Variants in PREX1 observed in about 807,000 individuals in gnomAD.
PREX1 encodes the protein phosphatidylinositol 3,4,5-trisphosphate-dependent Rac exchanger 1 protein.
In PREX1, 41 loss-of-function variants were observed where a neutral mutation model predicts 198.3. The observed-to-expected ratio is 0.21, with a 90% CI of 0.16 to 0.27. The LOEUF is 0.27. Among genes scored for constraint, PREX1 ranks in the 10% least tolerant of loss-of-function variants. The pLI, the probability that PREX1 is intolerant of heterozygous loss-of-function variation, is 1.00. For synonymous variants in PREX1, 843 were observed against 887.2 expected (o/e 0.95, Z 0.89); for missense variants, 1,620 against 2,200.7 (o/e 0.74, Z 5.28).
intron 31 of PREX1, among the ~76,000 whole-genome samples, chr20:48,637,176 G>A (rs550125997): frequency 6.6e-6 from 1 of 152,362 alleles, no homozygotes; most frequent in African/African-American, 2.4e-5. Flanking sequence ...GGCATGGTCT[G>A]AAGAACTGGC....
rs2089735371 is a variant in PREX1 at position 48,679,664 on chromosome 20, T to C, written c.1526A>G (p.Asp509Gly). The C allele has an allele frequency of 6.2e-7, 1 of 1,610,036 alleles. No individual in the cohort carries two copies. The highest frequency in any genetic ancestry group is 1.7e-5 in the Admixed American group (1 of 60,020). Residue 509 changes from aspartate to glycine, a missense_variant, in exon 12 of 40, where the codon GAC becomes GGC. By Grantham distance (94) the Asp-to-Gly change is moderately conservative (BLOSUM62 -1). Around this residue, in one of 7 missense-constraint regions of PREX1, gnomAD observed 488 missense variants for 802.5 expected, o/e 0.61. Transcript: ENST00000371941. The part of the protein sequence containing the change: ...GTYKARSELE[D>G]IMSKGVRLYC... ...GAGGGCCCCTACCTTGGACATGATG[T>C]CCTCCAGCTCACTTCGGGCCTTGTA...
chr20:48,833,212 T>C, the PREX1 span, among the ~76,000 whole-genome samples: 2 of 152,170 alleles, frequency 1.3e-5, no homozygotes, highest in African/African-American at 2.4e-5. Flanking sequence ...TGTAAGTGGA[T>C]GAAGCCATGA....
chr20:48,657,811 T>C (rs1164061916), intron 17 of PREX1, among the ~76,000 whole-genome samples: 1 of 152,078 alleles, frequency 6.6e-6, no homozygotes, highest in Admixed American at 6.5e-5. Flanking sequence ...CAGACAGCAA[T>C]GAGCTTATCT....
At chr20:48,644,278 T>C (rs1326173399) in intron 27 of PREX1, 131 bp downstream of exon 27, 1 of 738,288 alleles carries the variant, frequency 1.4e-6, no homozygotes, top group Admixed American at 2.9e-5. Context: ...TGGAAGGAAA[T>C]CAAGTACAGG....
At chr20:48,629,418 C>A in intron 37 of PREX1, 31 bp downstream of exon 37, 1 of 1,604,688 alleles carries the variant, frequency 6.2e-7, no homozygotes, top group Non-Finnish European at 8.5e-7. Context: ...CAGCCCCTCC[C>A]CACACCCCGA....
chr20:48,795,019 C>T (rs965140489), intron 1 of PREX1, among the ~76,000 whole-genome samples: 5 of 152,150 alleles, frequency 3.3e-5, no homozygotes, highest in Non-Finnish European at 7.4e-5. Flanking sequence ...AGTCAGGTGA[C>T]ATTGTTAATG....
intron 14 of PREX1, among the ~76,000 whole-genome samples, chr20:48,671,370 C>T (rs2089674028): frequency 6.6e-6 from 1 of 152,154 alleles, no homozygotes; most frequent in Non-Finnish European, 1.5e-5. Context: ...TAAGAAGATA[C>T]CAGGATAGCA....
chr20:48,818,714 G>C (rs2123068944), intron 1 of PREX1, among the ~76,000 whole-genome samples: 1 of 152,360 alleles, frequency 6.6e-6, no homozygotes, highest in East Asian at 1.9e-4. Flanking sequence ...CCTATGCATG[G>C]AGGGTGGAGT....
chr20:48,839,304 G>A, the PREX1 span, among the ~76,000 whole-genome samples: 5 of 151,910 alleles, frequency 3.3e-5, no homozygotes, highest in South Asian at 2.1e-4. Flanking sequence ...TCTGTCACCC[G>A]TCTCCAACTC....
chr20:48,681,304 C>T lies in PREX1; in HGVS notation c.1366G>A (p.Glu456Lys), dbSNP rs1382434229. Residue 456 changes from glutamate (E) to lysine (K), a missense_variant, in exon 11 of 40, where the codon GAA becomes AAA. By Grantham distance (56) the Glu-to-Lys change is moderately conservative. Around this residue, in one of 7 missense-constraint regions of PREX1, gnomAD observed 488 missense variants for 802.5 expected, o/e 0.61. Transcript: ENST00000371941. ...EFVAWLLEIG[E>K]ISKTEEGVNL... ...ACTCCTTCTTCCGTCTTGCTGATTT[C>T]ACCAATTTCTAGGAGCCAGGCAACG... is the stretch of plus-strand genomic sequence containing the variant. The T allele has an allele frequency of 6.2e-7, 1 of 1,614,226 alleles. No individual in the cohort carries two copies. The highest frequency in any genetic ancestry group is 1.7e-5 in the Admixed American group (1 of 60,026).
intron 15 of PREX1, among the ~76,000 whole-genome samples, chr20:48,661,257 TA>T (rs1431262730): frequency 2.7e-5 from 4 of 150,588 alleles, no homozygotes; most frequent in Non-Finnish European, 4.4e-5. Flanking sequence ...CTGTCTCCAC[TA>T]AAAATACAAA....
chr20:48,762,885 TAG>T (rs1264499114), intron 1 of PREX1, among the ~76,000 whole-genome samples: 1 of 152,166 alleles, frequency 6.6e-6, no homozygotes, highest in Admixed American at 6.5e-5. Flanking sequence ...GTATTTTTAG[TAG>T]AGACAGGGTT....
intron 5 of PREX1, among the ~76,000 whole-genome samples, chr20:48,723,204 A>G (rs968478): frequency 0.49 from 73,906 of 152,002 alleles, 19,342 homozygotes; most frequent in African/African-American, 0.69. Context: ...TGCCCACCCC[A>G]AGTGGGAGTT....
At chr20:48,703,983 A>G (rs1334326578) in intron 6 of PREX1, among the ~76,000 whole-genome samples, 1 of 152,190 alleles carries the variant, frequency 6.6e-6, no homozygotes, top group Non-Finnish European at 1.5e-5. Context: ...TTCCTTCCAG[A>G]CATGCACACT....
chr20:48,632,367 G>A lies in PREX1; in HGVS notation c.4436C>T (p.Pro1479Leu). 1 of 1,613,944 alleles carries A rather than the reference G, an allele frequency of 6.2e-7. No homozygotes were observed. The highest frequency in any genetic ancestry group is 8.5e-7 in the Non-Finnish European group (1 of 1,179,996). Residue 1479 changes from proline to leucine, a missense_variant, in exon 35 of 40, where the codon CCT (proline) becomes CTT (leucine). Coordinates refer to ENST00000371941, the MANE Select transcript of PREX1 (RefSeq NM_020820.4). ...CTCCGCGGCCTGGCTGCCTGGAGAA[G>A]GCAGCCCCTCCACGTTCTCCAGCAC... ...TKVLENVEGL[P>L]SPGSQAAEDL...
the PREX1 span, among the ~76,000 whole-genome samples, chr20:48,834,273 G>A: frequency 6.6e-6 from 1 of 152,138 alleles, no homozygotes; most frequent in Non-Finnish European, 1.5e-5. Flanking sequence ...GCCAGAGATC[G>A]ACCTGGAGGA....
chr20:48,721,779 T>A (rs1601096508), intron 5 of PREX1, among the ~76,000 whole-genome samples: 3 of 152,088 alleles, frequency 2.0e-5, no homozygotes, highest in South Asian at 4.2e-4. Context: ...CGTGGCAGTG[T>A]CCCAGCATGG....
chr20:48,676,357 C>A lies in PREX1; in HGVS notation c.1590-89G>T, dbSNP rs1048759701. ...CTGACTTCCCTGCAGGACGTGCCCA[C>A]GAGTCAAGGATCTCCAGGCTCTCTA... On this transcript the variant is annotated intron_variant, in intron 13 of 39. Transcript: ENST00000371941. 4.4e-5 allele frequency: 54 copies of A among 1,231,900 alleles called. No individual in the cohort carries two copies. The African/African-American group carries it at 7.4e-4, about 17-fold the overall frequency. The allele number at this position is 1,231,900 out of a possible 1,614,324, so 76.3% of individuals were successfully genotyped here.
chr20:48,883,035 G>C, the PREX1 span, among the ~76,000 whole-genome samples: 7 of 150,638 alleles, frequency 4.6e-5, no homozygotes, highest in Admixed American at 1.3e-4. Flanking sequence ...CCGGGTTCAA[G>C]CGACTCTCTT....
Sources: allele counts gnomAD v4.1 joint callset (sites outside exome capture counted in the v4.1 genomes callset), GRCh38; gene constraint gnomAD v4.1.1; regional missense constraint gnomAD v4.1.1; transcripts MANE v1.5; gene names NCBI Gene and HGNC (gene_info 2026-07-23, HGNC 2026-07-21).